The following LARP4B variants were observed in gnomAD, a reference collection of about 807,000 sequenced individuals.
LARP4B encodes the protein la-related protein 4B.
A neutral mutation model predicts 89.8 loss-of-function variants in LARP4B; 12 were observed. That is an observed-to-expected ratio of 0.13 (90% confidence interval 0.09 to 0.22). The LOEUF (loss-of-function observed/expected upper bound fraction) is 0.22, where lower values mean the gene tolerates loss of function less well. Among genes scored for constraint, LARP4B ranks in the 10% least tolerant of loss-of-function variants. LARP4B has a pLI of 1.00. For missense variants in LARP4B, 757 were observed against 947.7 expected, an observed-to-expected ratio of 0.80 and a Z score of 2.64; for synonymous variants, 367 against 363.3, an observed-to-expected ratio of 1.01 and a Z score of -0.12.
At chr10:917,422 G>T (rs550474315) in intron 1 of LARP4B, among the ~76,000 whole-genome samples, 2 of 152,134 alleles carry the variant, frequency 1.3e-5, no homozygotes, top group Non-Finnish European at 2.9e-5. Context: ...CCGGTTTATT[G>T]TAACAGGACA....
At chr10:818,225 A>C (rs1832165397) in intron 14 of LARP4B, 1 of 204,052 alleles carries the variant, frequency 4.9e-6, no homozygotes, top group Non-Finnish European at 9.9e-6. Flanking sequence ...GAGTGACTCC[A>C]GCCCACCAGA....
the LARP4B span, among the ~76,000 whole-genome samples, chr10:941,746 T>G: frequency 6.6e-6 from 1 of 152,282 alleles, no homozygotes; most frequent in East Asian, 1.9e-4. Flanking sequence ...TTTTTTTATT[T>G]TTTATTTTTT....
the LARP4B span, among the ~76,000 whole-genome samples, chr10:949,849 C>T: frequency 2.6e-5 from 4 of 152,042 alleles, no homozygotes; most frequent in African/African-American, 7.2e-5. Flanking sequence ...ACTGTATTGT[C>T]GAGGCTGCAG....
rs780585142 is a variant in LARP4B, at chr10:843,062, G to C, written c.516C>G (p.Asn172Lys). Residue 172 changes from asparagine (N) to lysine (K), a missense_variant, in exon 7 of 18, where the codon AAC (asparagine) becomes AAG (lysine). Asn to Lys is a moderately conservative substitution (Grantham distance 94). This residue lies in a region of LARP4B where 54 missense variants were observed against 96.0 expected (regional missense o/e 0.56). Coordinates refer to ENST00000316157, the MANE Select transcript of LARP4B (RefSeq NM_015155.3). ...KTLEFCLSRENLASDMYLISQ... is the reference protein window; with the variant it reads ...KTLEFCLSREKLASDMYLISQ... ...ATATAAGATACATGTCACTAGCAAG[G>C]TTCTCCCTGTTGAAAGAAAACAATC... is the stretch of plus-strand genomic sequence containing the variant. 4 of 1,613,028 alleles carry C rather than the reference G, an allele frequency of 2.5e-6. No individual in the cohort carries two copies. The South Asian group carries it at 4.4e-5, about 18-fold the overall frequency.
the LARP4B span, among the ~76,000 whole-genome samples, chr10:979,242 C>T: frequency 4.6e-3 from 703 of 152,224 alleles, 14 homozygotes; most frequent in East Asian, 0.063. Flanking sequence ...TCAATCCTAC[C>T]GGTCTTCTCA....
chr10:851,881 C>T (rs960341589), intron 5 of LARP4B, among the ~76,000 whole-genome samples: 1 of 152,086 alleles, frequency 6.6e-6, no homozygotes, highest in South Asian at 2.1e-4. Context: ...GCCTGGGTAA[C>T]ATGGTGAAAC....
At chr10:868,995 G>T (rs981995960) in intron 3 of LARP4B, among the ~76,000 whole-genome samples, 3 of 152,196 alleles carry the variant, frequency 2.0e-5, no homozygotes, top group African/African-American at 7.2e-5. Context: ...CTAATTTCCT[G>T]TTGTTGAATG....
At chr10:910,434 G>C (rs1011068056) in intron 1 of LARP4B, among the ~76,000 whole-genome samples, 1 of 152,230 alleles carries the variant, frequency 6.6e-6, no homozygotes, top group Non-Finnish European at 1.5e-5. Context: ...TTTTCTGAGA[G>C]TGGCGCTGGG....
chr10:885,606 A>G (rs1217852979), intron 2 of LARP4B, 35 bp downstream of exon 2: 7 of 1,547,966 alleles, frequency 4.5e-6, no homozygotes, highest in Admixed American at 3.7e-5. Flanking sequence ...AAAAAAAGCA[A>G]TGGACTCCCC....
intron 1 of LARP4B, among the ~76,000 whole-genome samples, chr10:919,761 A>C (rs1239542700): frequency 6.6e-6 from 1 of 152,162 alleles, no homozygotes; most frequent in Non-Finnish European, 1.5e-5. Context: ...CTGCACACAG[A>C]CTCCTGTGTT....
intron 1 of LARP4B, among the ~76,000 whole-genome samples, chr10:907,220 G>T (rs931436830): frequency 1.3e-5 from 2 of 152,140 alleles, no homozygotes; most frequent in Non-Finnish European, 1.5e-5. Context: ...GTACCTAAAC[G>T]AGTAAAATCT....
chr10:974,747 C>T, the LARP4B span, among the ~76,000 whole-genome samples: 2 of 152,214 alleles, frequency 1.3e-5, no homozygotes, highest in Admixed American at 1.3e-4. Context: ...TTACCTCAAC[C>T]GTGAAACACC....
chr10:815,162 G>T, intron 15 of LARP4B, 92 bp from the exon 16 acceptor site: 1 of 1,457,068 alleles, frequency 6.9e-7, no homozygotes, highest in Non-Finnish European at 9.1e-7. Flanking sequence ...GAACAGCCTT[G>T]GGAGAGCAGC....
chr10:950,860 CACTT>C, the LARP4B span, among the ~76,000 whole-genome samples: 2 of 150,328 alleles, frequency 1.3e-5, no homozygotes, highest in Non-Finnish European at 3.0e-5. Flanking sequence ...CTGATGAACT[CACTT>C]GTTAGTTGTA....
chr10:941,878 C>T, the LARP4B span, among the ~76,000 whole-genome samples: 7 of 151,998 alleles, frequency 4.6e-5, no homozygotes, highest in Non-Finnish European at 7.4e-5. Flanking sequence ...TGGGCTCAAG[C>T]GATCCTCCCA....
chr10:836,645 T>TA (rs1833236318), intron 7 of LARP4B, 139 bp from the exon 8 acceptor site: 2 of 595,582 alleles, frequency 3.4e-6, no homozygotes, highest in East Asian at 5.6e-5. Flanking sequence ...AATCTCACGT[T>TA]AGATTTTTCA....
Position 889,045 on chromosome 10 carries a change from A to T in LARP4B, c.-39-3285T>A, listed in dbSNP as rs1354874272. On this transcript the variant is annotated intron_variant, in intron 1 of 17. Transcript: ENST00000316157. ...GGTTTCAGTAAGCCGAGATCGCACC[A>T]CTGCACTCCATCCTAGGGAACAGAA... Among the ~76,000 whole-genome samples the T allele has an allele frequency of 2.0e-5, 3 of 152,174 alleles. No individual in the cohort carries two copies. In the East Asian group the frequency reaches 5.8e-4, roughly 29 times the overall value.
chr10:915,510 T>G (rs1361453991), intron 1 of LARP4B, among the ~76,000 whole-genome samples: 5 of 152,268 alleles, frequency 3.3e-5, no homozygotes, highest in African/African-American at 1.2e-4. Flanking sequence ...AGAGAAAAAG[T>G]TTTTGTTTTT....
At chr10:907,128 T>C (rs538017321) in intron 1 of LARP4B, among the ~76,000 whole-genome samples, 1 of 152,372 alleles carries the variant, frequency 6.6e-6, no homozygotes, top group South Asian at 2.1e-4. Context: ...TATCAAATTA[T>C]CATCCTCACT....
Sources: gnomAD v4.1 joint callset for allele counts (sites outside exome capture counted in the v4.1 genomes callset) on GRCh38, gnomAD v4.1.1 for gene constraint, gnomAD v4.1.1 regional missense constraint, MANE v1.5 for transcripts, NCBI Gene and HGNC (gene_info 2026-07-23, HGNC 2026-07-21) for gene names.